Variants in R3HDM1 observed in about 807,000 individuals in gnomAD.
R3HDM1 encodes R3H domain containing 1.
In R3HDM1, 46 loss-of-function variants were observed where a neutral mutation model predicts 141.1. The ratio of observed to expected loss-of-function variants is 0.33; its 90% CI spans 0.26 to 0.42. R3HDM1 has a LOEUF of 0.42. Ranked by LOEUF, R3HDM1 falls within the 10% of genes least tolerant of loss-of-function variation. The pLI, the probability that R3HDM1 is intolerant of heterozygous loss-of-function variation, is 1.00. For missense variants in R3HDM1, 1,184 were observed against 1,368.3 expected, an observed-to-expected ratio of 0.87 and a Z score of 2.12; for synonymous variants, 435 against 472.9, an observed-to-expected ratio of 0.92 and a Z score of 1.04.
chr2:135,618,463 A>AAT (rs1301257504), intron 5 of R3HDM1, among the ~76,000 whole-genome samples: 16 of 124,110 alleles, frequency 1.3e-4, no homozygotes, highest in African/African-American at 4.8e-4. Context: ...CGCCCGGCTG[A>AAT]TTTTTTTTTT....
chr2:135,537,663 T>TTTA (rs1696513523), intron 1 of R3HDM1, among the ~76,000 whole-genome samples: 1 of 148,180 alleles, frequency 6.7e-6, no homozygotes. Context: ...TTTATTTTAT[T>TTTA]TTATTTTATT....
Position 135,715,570 on chromosome 2 carries a change from C to G in R3HDM1, c.2757C>G (p.Ser919Arg), listed in dbSNP as rs115242070. ...TGCAGCACAGCCCTCAACTCAGTAG[C>G]CCCATTATTTCACCAGCTCAGTCGC... ...NIVQHSPQLS[S>R]PIISPAQSPA... Residue 919 changes from serine to arginine, a missense_variant, in exon 24 of 27, where the codon AGC (serine) becomes AGG (arginine). Physicochemically the swap from Ser to Arg is moderately radical, Grantham distance 110. Coordinates refer to ENST00000683871, the MANE Select transcript of R3HDM1 (RefSeq NM_001378107.1). 2.3e-5 allele frequency: 37 copies of G among 1,613,884 alleles called. No individual in the cohort carries two copies. The East Asian group carries it at 6.9e-4, about 30-fold the overall frequency.
intron 1 of R3HDM1, chr2:135,586,897 T>C (rs890610937): frequency 1.0e-6 from 1 of 984,960 alleles, no homozygotes; most frequent in Non-Finnish European, 1.2e-6. Flanking sequence ...ATATGGCTTG[T>C]TGAATTTTAA....
intron 18 of R3HDM1, among the ~76,000 whole-genome samples, chr2:135,659,139 C>T (rs559845245): frequency 8.4e-4 from 125 of 149,628 alleles, no homozygotes; most frequent in African/African-American, 2.7e-3. Flanking sequence ...ACTTTGTCAC[C>T]CAGGCTGGAA....
intron 1 of R3HDM1, among the ~76,000 whole-genome samples, chr2:135,575,842 C>T (rs1705297997): frequency 6.6e-6 from 1 of 152,116 alleles, no homozygotes; most frequent in Admixed American, 6.5e-5. Flanking sequence ...AATGCATTCA[C>T]AGTAAAAACA....
At chr2:135,532,857 C>G (rs1316922002) in intron 1 of R3HDM1, among the ~76,000 whole-genome samples, 1 of 152,154 alleles carries the variant, frequency 6.6e-6, no homozygotes. Flanking sequence ...CTCGTCTTTT[C>G]AAATACCACT....
At chr2:135,669,538 A>C (rs1455807118) in intron 19 of R3HDM1, 4 of 985,188 alleles carry the variant, frequency 4.1e-6, no homozygotes, top group Non-Finnish European at 4.8e-6. Flanking sequence ...CAGAAAATGA[A>C]GCAAGGCCAG....
At chr2:135,631,450 G>GT (rs1273852927) in intron 7 of R3HDM1, among the ~76,000 whole-genome samples, 1 of 150,308 alleles carries the variant, frequency 6.7e-6, no homozygotes, top group Non-Finnish European at 1.5e-5. Flanking sequence ...GTTGATTATT[G>GT]TTAAAGTTGG....
intron 3 of R3HDM1, among the ~76,000 whole-genome samples, chr2:135,615,365 C>T (rs1209664404): frequency 2.0e-5 from 3 of 152,018 alleles, no homozygotes; most frequent in East Asian, 3.9e-4. Flanking sequence ...ATACTTTTGC[C>T]GTGTACTATT....
intron 1 of R3HDM1, among the ~76,000 whole-genome samples, chr2:135,588,524 TAAAC>T (rs1708467730): frequency 6.6e-6 from 1 of 152,194 alleles, no homozygotes; most frequent in African/African-American, 2.4e-5. Context: ...GGTGAATTAA[TAAAC>T]CATTAGATAA....
intron 18 of R3HDM1, among the ~76,000 whole-genome samples, chr2:135,653,747 G>A (rs1042180775): frequency 1.1e-4 from 17 of 152,116 alleles, no homozygotes; most frequent in African/African-American, 4.1e-4. Flanking sequence ...ATCCCAAATG[G>A]TGAAACCCCA....
chr2:135,535,905 G>T (rs1695997571), intron 1 of R3HDM1, among the ~76,000 whole-genome samples: 1 of 151,906 alleles, frequency 6.6e-6, no homozygotes, highest in Non-Finnish European at 1.5e-5. Context: ...CCAGCAATTT[G>T]GTTTTTTTAT....
chr2:135,716,131 C>A (rs531740530), intron 24 of R3HDM1, among the ~76,000 whole-genome samples: 1 of 152,304 alleles, frequency 6.6e-6, no homozygotes, highest in South Asian at 2.1e-4. Context: ...AAGACCCTGT[C>A]TCTAGAGAAA....
intron 1 of R3HDM1, among the ~76,000 whole-genome samples, chr2:135,539,533 C>G (rs1216302859): frequency 6.6e-6 from 1 of 151,894 alleles, no homozygotes; most frequent in Non-Finnish European, 1.5e-5. Flanking sequence ...GAATGGATCC[C>G]AAAAGAATTG....
At chr2:135,534,769 T>G (rs1189347074) in intron 1 of R3HDM1, among the ~76,000 whole-genome samples, 1 of 152,238 alleles carries the variant, frequency 6.6e-6, no homozygotes, top group African/African-American at 2.4e-5. Context: ...TGAAATAAGC[T>G]TTGTCAAATA....
Position 135,604,837 on chromosome 2 carries a change from C to A in R3HDM1, c.-9C>A. The A allele has an allele frequency of 6.2e-7, 1 of 1,610,734 alleles. No individual in the cohort carries two copies. Among genetic ancestry groups the A allele is most frequent in the Non-Finnish European group, 8.5e-7 (1 of 1,178,306 alleles). ...AGCTCCCTGTAGAATTCGAAAATAA[C>A]CTTTTCTAATGAGGATGTCTGATAC... On this transcript the variant is annotated 5_prime_UTR_variant, in exon 3 of 27. Transcript: ENST00000683871.
At chr2:135,638,210 G>A (rs1463892862) in intron 11 of R3HDM1, among the ~76,000 whole-genome samples, 1 of 152,110 alleles carries the variant, frequency 6.6e-6, no homozygotes, top group Non-Finnish European at 1.5e-5. Flanking sequence ...CAGTGCTGAA[G>A]GACTTTAAGC....
intron 14 of R3HDM1, among the ~76,000 whole-genome samples, chr2:135,639,461 A>G (rs2063569314): frequency 6.6e-6 from 1 of 152,208 alleles, no homozygotes; most frequent in South Asian, 2.1e-4. Flanking sequence ...GGTAGAAGGC[A>G]TGGTTTCTCA....
chr2:135,699,017 AGAT>A (rs1423533861), intron 21 of R3HDM1, among the ~76,000 whole-genome samples: 2 of 112,986 alleles, frequency 1.8e-5, no homozygotes, highest in African/African-American at 6.3e-5. Context: ...ATAGATAGAT[AGAT>A]AGATAGATAG....
Sources: gnomAD v4.1 joint callset for allele counts (sites outside exome capture counted in the v4.1 genomes callset) on GRCh38, gnomAD v4.1.1 for gene constraint, MANE v1.5 for transcripts, NCBI Gene and HGNC (gene_info 2026-07-23, HGNC 2026-07-21) for gene names.